LRP2: variants seen among roughly 807,000 people sequenced by gnomAD.
LRP2 encodes the protein LDL receptor related protein 2.
LRP2 carries 172 observed loss-of-function variants against 531.0 expected under a neutral mutation model. That is an observed-to-expected ratio of 0.32 (90% CI 0.29 to 0.37). The LOEUF (loss-of-function observed/expected upper bound fraction) is 0.37. LRP2 is among the 10% of genes least tolerant of loss of function. The probability of loss-of-function intolerance (pLI) is 1.00; values close to 1 mark genes in which losing one functional copy is unlikely to be tolerated. For synonymous variants in LRP2, 1,992 were observed against 2,027.6 expected, an observed-to-expected ratio of 0.98 and a Z score of 0.47; for missense variants, 5,167 against 5,868.3, an observed-to-expected ratio of 0.88 and a Z score of 3.90.
Position 169,127,231 on chromosome 2 carries a change from T to C in LRP2, c.*1432A>G, listed in dbSNP as rs1186091694. ...AACAAATATTTTGAGAACTCTGGAA[T>C]AAAATAATCAGTAGTATATGTTTCA... is the stretch of plus-strand genomic sequence containing the variant. On this transcript the variant is annotated 3_prime_UTR_variant, in exon 79 of 79. Transcript: ENST00000649046. 6.6e-6 allele frequency: 1 copy of C among 152,620 alleles called. No homozygotes were observed. Among genetic ancestry groups the C allele is most frequent in the Non-Finnish European group, 1.5e-5 (1 of 68,036 alleles). The allele number at this position is 152,620 out of a possible 1,614,324, so 9.5% of individuals were successfully genotyped here.
rs769514716 is a variant in LRP2 at position 169,280,379 on chromosome 2, C to T, written c.1312G>A (p.Val438Ile). ...GVAFHYHLQR[V>I]FWTDTVQNKV... ...TTTTGCACGGTGTCTGTCCAAAAAACTCTTTGCAGGTGATAGTGGAAAGCC... is the reference window on the plus strand; with the variant it reads ...TTTTGCACGGTGTCTGTCCAAAAAATTCTTTGCAGGTGATAGTGGAAAGCC... The change falls in exon 11 of 79, where the codon GTT becomes ATT. Residue 438 changes from valine to isoleucine, a missense_variant. By Grantham distance (29) the Val-to-Ile change is conservative (BLOSUM62 3). This residue lies in a region of LRP2 where 2,811 missense variants were observed against 3,058.0 expected (regional missense o/e 0.92). Coordinates refer to ENST00000649046, the MANE Select transcript of LRP2 (RefSeq NM_004525.3). 1.2e-6 allele frequency: 2 copies of T among 1,614,170 alleles called. No individual in the cohort carries two copies. Among genetic ancestry groups the T allele is most frequent in the Non-Finnish European group, 1.7e-6 (2 of 1,180,016 alleles).
At chr2:169,220,216 A>G (rs2105352571) in intron 34 of LRP2, among the ~76,000 whole-genome samples, 1 of 152,302 alleles carries the variant, frequency 6.6e-6, no homozygotes, top group Middle Eastern at 3.4e-3. Context: ...GCTTGTTTGG[A>G]ATTAATTTTA....
At chr2:169,141,817 G>A (rs941623025) in intron 71 of LRP2, among the ~76,000 whole-genome samples, 4 of 152,172 alleles carry the variant, frequency 2.6e-5, no homozygotes, top group East Asian at 3.9e-4. Context: ...CCCCAGTAGC[G>A]TTGGGATGAG....
chr2:169,181,299 C>A, intron 52 of LRP2, 149 bp downstream of exon 52: 1 of 709,070 alleles, frequency 1.4e-6, no homozygotes, highest in South Asian at 1.7e-5. Flanking sequence ...TAGAGCTCAG[C>A]AGTTTTAGTT....
At position 169,132,179 on chromosome 2, in the gene LRP2, A is replaced by G. The variant is rs550123743; in HGVS notation, c.13728+395T>C. Among the ~76,000 whole-genome samples, 6 of 152,316 alleles carry G rather than the reference A, an allele frequency of 3.9e-5. No individual in the cohort carries two copies. In the South Asian group the frequency reaches 1.2e-3, roughly 32 times the overall value. On this transcript the variant is annotated intron_variant, in intron 77 of 78. Transcript: ENST00000649046. ...AGCGAAGAACAGCTTGAAAGAATAA[A>G]GATGCATGCTGTAGAGAAATCACGG...
At chr2:169,296,527 A>G (rs1481847115) in intron 4 of LRP2, among the ~76,000 whole-genome samples, 1 of 152,020 alleles carries the variant, frequency 6.6e-6, no homozygotes, top group Non-Finnish European at 1.5e-5. Context: ...TGAGCCAGAT[A>G]GCTCCTAGAG....
In LRP2 at chr2:169,207,059, C is replaced by A; in HGVS notation, c.6661G>T (p.Asp2221Tyr). The change falls in exon 39 of 79, where the codon GAC (aspartate) becomes TAC (tyrosine). Residue 2221 changes from aspartate (D) to tyrosine (Y), a missense_variant. By Grantham distance (160) the Asp-to-Tyr change is radical. Transcript: ENST00000649046. ...ACAAGCACTGTTCGATTGGTACAGT[C>A]AAGGAAAGAACGCTCAATCTTTGGT... ...QRPKIERSFL[D>Y]CTNRTVLVSE... The A allele has an allele frequency of 3.1e-6, 5 of 1,614,006 alleles. No individual in the cohort carries two copies. The highest frequency in any genetic ancestry group is 4.2e-6 in the Non-Finnish European group (5 of 1,179,904).
intron 20 of LRP2, 132 bp from the exon 21 acceptor site, chr2:169,247,118 G>T: frequency 8.8e-7 from 1 of 1,131,508 alleles, no homozygotes; most frequent in East Asian, 2.6e-5. Flanking sequence ...GCTTCCTCTT[G>T]GAAATCAACC....
chr2:169,306,945 G>A (rs1684436841), intron 4 of LRP2, among the ~76,000 whole-genome samples: 1 of 152,172 alleles, frequency 6.6e-6, no homozygotes, highest in African/African-American at 2.4e-5. Context: ...ACTTACTATA[G>A]CTGTGTAATA....
chr2:169,137,885 T>C (rs1425108410), intron 75 of LRP2, among the ~76,000 whole-genome samples: 1 of 151,898 alleles, frequency 6.6e-6, no homozygotes, highest in African/African-American at 2.4e-5. Context: ...GAATGGATAA[T>C]ATAATATTCT....
intron 75 of LRP2, 84 bp from the exon 76 acceptor site, chr2:169,137,577 A>G (rs1218011025): frequency 2.2e-6 from 2 of 902,204 alleles, no homozygotes; most frequent in African/African-American, 1.6e-5. Flanking sequence ...GTTCACACAC[A>G]AAGAAAGGTG....
intron 54 of LRP2, 50 bp downstream of exon 54, chr2:169,176,361 T>G (rs547655542): frequency 6.2e-7 from 1 of 1,608,768 alleles, no homozygotes; most frequent in East Asian, 2.2e-5. Context: ...AAGGTCAATG[T>G]CTGTCCACGG....
chr2:169,243,598 A>G (rs1297048469), intron 22 of LRP2, 76 bp from the exon 23 acceptor site: 1 of 1,555,628 alleles, frequency 6.4e-7, no homozygotes, highest in Non-Finnish European at 8.9e-7. Flanking sequence ...AAAAATGGCT[A>G]AATAGCTACA....
chr2:169,304,781 A>T (rs140901792), intron 4 of LRP2, among the ~76,000 whole-genome samples: 1 of 152,216 alleles, frequency 6.6e-6, no homozygotes, highest in African/African-American at 2.4e-5. Context: ...TTATTGTAGC[A>T]CTATTTATAA....
chr2:169,320,869 T>C lies in LRP2; in HGVS notation c.95A>G (p.His32Arg), dbSNP rs771153702. ...PASGQECDSA[H>R]FRCGSGHCIP... ...GCAATGCCCACTTCCACAGCGAAAA[T>C]GCGCACTGTCACATTCTGCAATAAT... is the stretch of plus-strand genomic sequence containing the variant. The change falls in exon 2 of 79, where the codon CAT becomes CGT. Residue 32 changes from histidine to arginine, a missense_variant. By Grantham distance (29) the His-to-Arg change is conservative. Around this residue, in one of 6 missense-constraint regions of LRP2, gnomAD observed 2,811 missense variants for 3,058.0 expected, o/e 0.92. Coordinates refer to ENST00000649046, the MANE Select transcript of LRP2 (RefSeq NM_004525.3). 1.2e-6 allele frequency: 2 copies of C among 1,613,440 alleles called. No homozygotes were observed. The highest frequency in any genetic ancestry group is 1.1e-5 in the South Asian group (1 of 91,078).
chr2:169,321,970 A>T (rs922129801), intron 1 of LRP2, among the ~76,000 whole-genome samples: 18 of 152,360 alleles, frequency 1.2e-4, no homozygotes, highest in Non-Finnish European at 2.2e-4. Context: ...TGTGCCACAT[A>T]GAAAAATTTT....
At chr2:169,345,749 G>A (rs1304956798) in intron 1 of LRP2, among the ~76,000 whole-genome samples, 1 of 123,144 alleles carries the variant, frequency 8.1e-6, no homozygotes, top group Non-Finnish European at 1.7e-5. Flanking sequence ...AAAAGAGGGG[G>A]CGGTCAAAAA....
At chr2:169,144,422 C>T (rs116171923) in intron 70 of LRP2, among the ~76,000 whole-genome samples, 2,696 of 51,704 alleles carry the variant, frequency 0.052, 69 homozygotes, top group African/African-American at 0.16. Context: ...CCAAAGGAGC[C>T]GCCTTCCCTG....
At position 169,187,832 on chromosome 2, in the gene LRP2, C is replaced by A. The variant is rs1475736928; in HGVS notation, c.9328+138G>T. Reference sequence around the variant, plus strand: ...TTATATACCAAGAAACTTTGGTAACCTTTTGCTATATCAGGAATAGTGATT... The same window carrying A: ...TTATATACCAAGAAACTTTGGTAACATTTTGCTATATCAGGAATAGTGATT... On this transcript the variant is annotated intron_variant, in intron 49 of 78. Transcript: ENST00000649046. 6 of 959,556 alleles carry A rather than the reference C, an allele frequency of 6.3e-6. No homozygotes were observed. The East Asian group carries it at 1.3e-4, about 20-fold the overall frequency. 59.4% of individuals were successfully genotyped at this position (959,556 alleles called of 1,614,324 possible).
Sources: allele counts gnomAD v4.1 joint callset (sites outside exome capture counted in the v4.1 genomes callset), GRCh38; gene constraint gnomAD v4.1.1; regional missense constraint gnomAD v4.1.1; transcripts MANE v1.5; gene names NCBI Gene and HGNC (gene_info 2026-07-23, HGNC 2026-07-21).